Variants in COL23A1 observed in about 807,000 individuals in gnomAD.
COL23A1 encodes the protein collagen alpha-1(XXIII) chain.
Under a neutral mutation model 99.3 loss-of-function variants are expected in COL23A1, and 97 were observed. The ratio of observed to expected loss-of-function variants is 0.98; its 90% CI spans 0.83 to 1.16. COL23A1 has a LOEUF of 1.16. Ranked by LOEUF, COL23A1 falls within the 50% of genes most tolerant of loss-of-function variation. COL23A1 has a pLI of 0.00. For missense variants in COL23A1, 762 were observed against 757.4 expected (o/e 1.01, Z -0.07); for synonymous variants, 320 against 308.2 (o/e 1.04, Z -0.40).
At position 178,468,920 on chromosome 5, in the gene COL23A1, C is replaced by A. The variant is rs1380068747; in HGVS notation, c.361+91762G>T. ...CCATTAAACACCAACTCCCCACTCC[C>A]CCCAGCCTGTGGCACCCACCATCCT... On this transcript the variant is annotated intron_variant, in intron 2 of 28. Coordinates refer to ENST00000390654, the MANE Select transcript of COL23A1 (RefSeq NM_173465.4). The surrounding 1 kb of genome is among the most constrained non-coding windows in gnomAD (Gnocchi z 4.2). Among the ~76,000 whole-genome samples the A allele has an allele frequency of 6.6e-6, 1 of 152,208 alleles. No homozygotes were observed. The highest frequency in any genetic ancestry group is 1.5e-5 in the Non-Finnish European group (1 of 68,048).
intron 12 of COL23A1, 67 bp from the exon 13 acceptor site, chr5:178,257,634 T>G: frequency 6.7e-7 from 1 of 1,484,862 alleles, no homozygotes; most frequent in Non-Finnish European, 9.2e-7. Flanking sequence ...CTCCCTCCTC[T>G]GGACTTCCCA....
At chr5:178,270,844 A>C (rs1279132470) in intron 5 of COL23A1, among the ~76,000 whole-genome samples, 2 of 152,238 alleles carry the variant, frequency 1.3e-5, no homozygotes, top group Non-Finnish European at 2.9e-5. Context: ...ACAGAGAGAA[A>C]GACAGCGTCG....
intron 2 of COL23A1, among the ~76,000 whole-genome samples, chr5:178,531,145 G>T (rs143667445): frequency 6.6e-6 from 1 of 152,218 alleles, no homozygotes; most frequent in Non-Finnish European, 1.5e-5. Flanking sequence ...GGGATTACAG[G>T]TGTGAGCCAC....
chr5:178,360,452 G>T (rs1581228626), intron 2 of COL23A1, among the ~76,000 whole-genome samples: 1 of 152,190 alleles, frequency 6.6e-6, no homozygotes, highest in Admixed American at 6.5e-5. Context: ...TGCTCCTGGG[G>T]AGCCAGGCTG....
chr5:178,421,667 G>A (rs1048733586), intron 2 of COL23A1, among the ~76,000 whole-genome samples: 4 of 152,134 alleles, frequency 2.6e-5, no homozygotes, highest in Admixed American at 1.3e-4. Flanking sequence ...TCAGAAGTTC[G>A]AGACCAGCCT....
At chr5:178,502,664 C>T (rs1048714611) in intron 2 of COL23A1, among the ~76,000 whole-genome samples, 17 of 152,164 alleles carry the variant, frequency 1.1e-4, no homozygotes, top group African/African-American at 4.1e-4. Flanking sequence ...TTGTTCACTG[C>T]AAATGAACGT....
Position 178,306,943 on chromosome 5 carries a change from T to A in COL23A1, c.362-24A>T. On this transcript the variant is annotated intron_variant, in intron 2 of 28. Coordinates refer to ENST00000390654, the MANE Select transcript of COL23A1 (RefSeq NM_173465.4). This position sits in a 1 kb window ranked among gnomAD's most constrained non-coding sequence, Gnocchi z 4.1. ...CCCTAGACAGGAAAACAAGAATGCA[T>A]TCATTGAGAAGGGAAGCCAGTGGAC... 1 of 1,491,046 alleles carries A rather than the reference T, an allele frequency of 6.7e-7. No individual in the cohort carries two copies. Among genetic ancestry groups the A allele is most frequent in the Non-Finnish European group, 8.9e-7 (1 of 1,119,194 alleles). 92.4% of individuals were successfully genotyped at this position (1,491,046 alleles called of 1,614,324 possible).
chr5:178,417,483 G>A lies in COL23A1; in HGVS notation c.362-110564C>T, dbSNP rs570035199. Among the ~76,000 whole-genome samples the A allele has an allele frequency of 1.1e-4, 16 of 152,184 alleles. No homozygotes were observed. In the South Asian group the frequency reaches 2.5e-3, roughly 24 times the overall value. On this transcript the variant is annotated intron_variant, in intron 2 of 28. Coordinates refer to ENST00000390654, the MANE Select transcript of COL23A1 (RefSeq NM_173465.4). ...ATCACTGCCCAAAGGGGGAAATCAC[G>A]CCCGCAACATTCTGGATTCTCCCTC...
chr5:178,400,366 CAA>C (rs58417444), intron 2 of COL23A1, among the ~76,000 whole-genome samples: 2 of 62,800 alleles, frequency 3.2e-5, no homozygotes, highest in East Asian at 5.5e-4. Flanking sequence ...GACTCCGTCT[CAA>C]AAAAAAAAAA....
intron 2 of COL23A1, among the ~76,000 whole-genome samples, chr5:178,380,169 T>C (rs940246931): frequency 6.6e-6 from 1 of 152,206 alleles, no homozygotes; most frequent in Non-Finnish European, 1.5e-5. Context: ...TATTTATCTG[T>C]AGAAGCCACA....
chr5:178,578,880 G>T (rs961567790), intron 1 of COL23A1, among the ~76,000 whole-genome samples: 1 of 151,860 alleles, frequency 6.6e-6, no homozygotes. Context: ...TTAGGTATTT[G>T]TGTGCCCTTT....
At chr5:178,403,127 T>TAAAAAAAAA (rs1480481254) in intron 2 of COL23A1, among the ~76,000 whole-genome samples, 1 of 52,804 alleles carries the variant, frequency 1.9e-5, no homozygotes, top group African/African-American at 8.5e-5. Context: ...AAAAAATAAA[T>TAAAAAAAAA]AAATAAAAAA....
chr5:178,554,228 G>C (rs1762153632), intron 2 of COL23A1, among the ~76,000 whole-genome samples: 1 of 151,892 alleles, frequency 6.6e-6, no homozygotes, highest in African/African-American at 2.4e-5. Flanking sequence ...ACCCAGGCTG[G>C]GGTGCAATGG....
At chr5:178,273,133 C>G (rs1185658601) in intron 5 of COL23A1, among the ~76,000 whole-genome samples, 1 of 152,218 alleles carries the variant, frequency 6.6e-6, no homozygotes, top group Non-Finnish European at 1.5e-5. Flanking sequence ...TCCCTGCAAC[C>G]AAGGCCCCCT....
chr5:178,261,734 G>A lies in COL23A1; in HGVS notation c.690C>T (p.Pro230=). The A allele has an allele frequency of 6.2e-7, 1 of 1,609,676 alleles. No individual in the cohort carries two copies. Among genetic ancestry groups the A allele is most frequent in the Non-Finnish European group, 8.5e-7 (1 of 1,175,908 alleles). Residue 230 remains proline, a synonymous_variant, in exon 11 of 29, where the codon CCC becomes CCT. Coordinates refer to ENST00000390654, the MANE Select transcript of COL23A1 (RefSeq NM_173465.4). ...GQDGEMGPKG[P]PGPKGEPGVP... ...AAGGAGTACTCACCTTGGGCCCTGGGGGTCCCTTTGGGCCCTGGAACAAGA... is the reference window on the plus strand; with the variant it reads ...AAGGAGTACTCACCTTGGGCCCTGGAGGTCCCTTTGGGCCCTGGAACAAGA...
chr5:178,503,506 C>T (rs961886235), intron 2 of COL23A1, among the ~76,000 whole-genome samples: 1 of 152,096 alleles, frequency 6.6e-6, no homozygotes, highest in Non-Finnish European at 1.5e-5. Context: ...AAGTTAGTGA[C>T]CTTAATGTGG....
chr5:178,392,573 C>T (rs1213929012), intron 2 of COL23A1, among the ~76,000 whole-genome samples: 1 of 152,192 alleles, frequency 6.6e-6, no homozygotes, highest in Non-Finnish European at 1.5e-5. Flanking sequence ...ACTGTGTTCT[C>T]TGCCTTCTTA....
chr5:178,588,157 C>G (rs986616642), intron 1 of COL23A1, among the ~76,000 whole-genome samples: 2 of 152,126 alleles, frequency 1.3e-5, no homozygotes, highest in Non-Finnish European at 2.9e-5. Flanking sequence ...ACACCCTGTC[C>G]AATAACTCAT....
At chr5:178,424,014 CTT>C (rs996920018) in intron 2 of COL23A1, among the ~76,000 whole-genome samples, 31 of 152,178 alleles carry the variant, frequency 2.0e-4, no homozygotes, top group African/African-American at 7.2e-4. Flanking sequence ...AATTAAGTGA[CTT>C]TCTCATTGTC....
Sources: gnomAD v4.1 joint callset for allele counts (sites outside exome capture counted in the v4.1 genomes callset) on GRCh38, gnomAD v4.1.1 for gene constraint, Gnocchi (gnomAD v3.1) non-coding constraint, MANE v1.5 for transcripts, NCBI Gene and HGNC (gene_info 2026-07-23, HGNC 2026-07-21) for gene names.